The following SKA2 variants were observed in gnomAD, a reference collection of about 807,000 sequenced individuals.
The protein encoded by SKA2 is spindle and kinetochore associated complex subunit 2.
A neutral mutation model predicts 16.9 loss-of-function variants in SKA2; 13 were observed. The ratio of observed to expected loss-of-function variants is 0.77; its 90% CI spans 0.50 to 1.22. The LOEUF (loss-of-function observed/expected upper bound fraction) is 1.22, where lower values mean the gene tolerates loss of function less well. Among genes scored for constraint, SKA2 ranks in the 50% most tolerant of loss-of-function variants. The pLI is 0.00. For synonymous variants in SKA2, 47 were observed against 48.5 expected (o/e 0.97, Z 0.13); for missense variants, 107 against 139.7 (o/e 0.77, Z 1.18).
intron 1 of SKA2, among the ~76,000 whole-genome samples, chr17:59,148,808 C>CAAAAAAAAAAAAAAAAAAAA: frequency 2.1e-5 from 1 of 47,584 alleles, no homozygotes; most frequent in Non-Finnish European, 4.0e-5. Flanking sequence ...GACCCTGTCT[C>CAAAAAAAAAAAAAAAAAAAA]AAAAAAAAAA....
chr17:59,154,592 G>C (rs371591173), intron 1 of SKA2, among the ~76,000 whole-genome samples: 1 of 152,266 alleles, frequency 6.6e-6, no homozygotes, highest in South Asian at 2.1e-4. Context: ...AACAGAAACG[G>C]GTTCCTTGGC....
chr17:59,154,482 C>T (rs1388431112), intron 1 of SKA2, among the ~76,000 whole-genome samples: 1 of 152,216 alleles, frequency 6.6e-6, no homozygotes, highest in East Asian at 1.9e-4. Context: ...GGATGCCTTT[C>T]CTGTCTCAAT....
At chr17:59,137,542 CA>C (rs1385799417) in intron 1 of SKA2, among the ~76,000 whole-genome samples, 3 of 152,138 alleles carry the variant, frequency 2.0e-5, no homozygotes, top group African/African-American at 7.2e-5. Flanking sequence ...TCTCTCCTAT[CA>C]AATGAGTTGG....
chr17:59,132,298 G>T (rs1484737533), intron 1 of SKA2, among the ~76,000 whole-genome samples: 1 of 151,586 alleles, frequency 6.6e-6, no homozygotes, highest in African/African-American at 2.4e-5. Flanking sequence ...GGAGGCTGCA[G>T]TAAGCCAAGA....
chr17:59,142,327 G>T (rs959959451), intron 1 of SKA2, among the ~76,000 whole-genome samples: 1 of 139,350 alleles, frequency 7.2e-6, no homozygotes, highest in East Asian at 2.2e-4. Flanking sequence ...TTTCGCTCTT[G>T]TTGCCCAGGC....
intron 1 of SKA2, among the ~76,000 whole-genome samples, chr17:59,148,146 A>G (rs1380960449): frequency 6.6e-6 from 1 of 152,162 alleles, no homozygotes; most frequent in African/African-American, 2.4e-5. Context: ...AGCCAAAAAA[A>G]GAAAAAAAGT....
intron 2 of SKA2, chr17:59,129,358 TAC>T (rs57908900): frequency 0.035 from 4,734 of 136,836 alleles, 109 homozygotes; most frequent in Middle Eastern, 0.058. Flanking sequence ...TAAACACACA[TAC>T]ACACACACAC....
At chr17:59,130,025 AAGAGAGAAAGAGGCGGGGGGGAG>A (rs2046401309) in intron 2 of SKA2, among the ~76,000 whole-genome samples, 1 of 131,156 alleles carries the variant, frequency 7.6e-6, no homozygotes, top group African/African-American at 2.8e-5. Flanking sequence ...GGGAGGGAGG[AAGAGAGAAAGAGGCGGGGGGGAG>A]AGAGAGAAAG....
intron 1 of SKA2, among the ~76,000 whole-genome samples, chr17:59,138,679 G>A (rs549605017): frequency 1.3e-3 from 205 of 152,114 alleles, no homozygotes; most frequent in Middle Eastern, 3.4e-3. Context: ...TGATCTGCCC[G>A]CCTCGGCCTC....
intron 1 of SKA2, 142 bp downstream of exon 1, chr17:59,154,989 C>G (rs200500858): frequency 1.2e-6 from 2 of 1,614,002 alleles, no homozygotes; most frequent in African/African-American, 2.7e-5. Context: ...GGTGGCGGCT[C>G]CCTTTGGTGC....
intron 1 of SKA2, among the ~76,000 whole-genome samples, chr17:59,135,743 AT>A (rs1324904944): frequency 1.3e-5 from 2 of 150,106 alleles, no homozygotes; most frequent in Non-Finnish European, 3.0e-5. Context: ...GAAAAAATAT[AT>A]TTAAAAAATA....
chr17:59,139,396 C>CAAAAA (rs113246125), intron 1 of SKA2, among the ~76,000 whole-genome samples: 64 of 49,078 alleles, frequency 1.3e-3, no homozygotes, highest in Middle Eastern at 8.6e-3. Context: ...GACTCCGTCT[C>CAAAAA]AAAAAAAAAA....
chr17:59,120,625 T>G (rs1224708062), intron 2 of SKA2, among the ~76,000 whole-genome samples: 1 of 152,168 alleles, frequency 6.6e-6, no homozygotes, highest in East Asian at 1.9e-4. Context: ...AATAAAAAGA[T>G]CTATACCATA....
chr17:59,136,639 C>G (rs1415605054), intron 1 of SKA2, among the ~76,000 whole-genome samples: 2 of 151,954 alleles, frequency 1.3e-5, no homozygotes, highest in African/African-American at 4.8e-5. Context: ...ACCTCCACTT[C>G]CCGGGTTCAA....
intron 3 of SKA2, among the ~76,000 whole-genome samples, chr17:59,118,985 T>TA: frequency 6.6e-6 from 1 of 152,316 alleles, no homozygotes; most frequent in African/African-American, 2.4e-5. Flanking sequence ...AGCTCCTTGA[T>TA]ACAGCACTCT....
intron 1 of SKA2, among the ~76,000 whole-genome samples, chr17:59,133,096 T>C (rs894296636): frequency 6.6e-6 from 1 of 152,194 alleles, no homozygotes; most frequent in Non-Finnish European, 1.5e-5. Context: ...TCCTACCTCC[T>C]TCCGAGTGCA....
At chr17:59,130,583 T>C (rs546548828) in intron 2 of SKA2, among the ~76,000 whole-genome samples, 1 of 151,788 alleles carries the variant, frequency 6.6e-6, no homozygotes, top group Admixed American at 6.6e-5. Flanking sequence ...TGAGCTGAGA[T>C]TGCACCACTG....
At chr17:59,143,156 A>G (rs2046505435) in intron 1 of SKA2, among the ~76,000 whole-genome samples, 1 of 152,022 alleles carries the variant, frequency 6.6e-6, no homozygotes, top group African/African-American at 2.4e-5. Context: ...TAATCAATAT[A>G]TAATGGTTTT....
At chr17:59,135,845 A>T (rs1430574724) in intron 1 of SKA2, among the ~76,000 whole-genome samples, 2 of 148,634 alleles carry the variant, frequency 1.3e-5, no homozygotes, top group African/African-American at 2.4e-5. Flanking sequence ...ATATATTTTT[A>T]AAAAATATAA....
Sources: allele counts gnomAD v4.1 joint callset (sites outside exome capture counted in the v4.1 genomes callset), GRCh38; gene constraint gnomAD v4.1.1; transcripts MANE v1.5; gene names NCBI Gene and HGNC (gene_info 2026-07-23, HGNC 2026-07-21).